The following EIF4A3 variants were observed in gnomAD, a reference collection of about 807,000 sequenced individuals.
EIF4A3 encodes the protein eukaryotic translation initiation factor 4A3.
In EIF4A3, 1 loss-of-function variant was observed where a neutral mutation model predicts 55.6. The ratio of observed to expected loss-of-function variants is 0.02; its 90% CI spans 0.01 to 0.09. The LOEUF (loss-of-function observed/expected upper bound fraction) is 0.09. EIF4A3 is among the 10% of genes least tolerant of loss of function. The pLI, the probability that EIF4A3 is intolerant of heterozygous loss-of-function variation, is 1.00. For synonymous variants in EIF4A3, 194 were observed against 196.3 expected, an observed-to-expected ratio of 0.99 and a Z score of 0.10; for missense variants, 221 against 540.7, an observed-to-expected ratio of 0.41 and a Z score of 5.86.
At chr17:80,142,767 C>T (rs139921187) in intron 2 of EIF4A3, among the ~76,000 whole-genome samples, 1,629 of 152,180 alleles carry the variant, frequency 0.011, 10 homozygotes, top group Non-Finnish European at 0.017. Context: ...ATGTTTAGGC[C>T]GGGCACAGTG....
intron 2 of EIF4A3, 75 bp downstream of exon 2, chr17:80,144,097 C>A: frequency 7.3e-7 from 1 of 1,371,238 alleles, no homozygotes; most frequent in South Asian, 1.2e-5. Context: ...GGGAAACAGT[C>A]ATCCCAGAGC....
At position 80,136,241 on chromosome 17, in the gene EIF4A3, A is replaced by G; in HGVS notation, c.1078T>C (p.Leu360=). The G allele has an allele frequency of 6.2e-7, 1 of 1,614,126 alleles. No individual in the cohort carries two copies. Among genetic ancestry groups the G allele is most frequent in the South Asian group, 1.1e-5 (1 of 91,078 alleles). ...CTTGCACCTTACCTGTGTATGTACAATTCTCTGTTATTAGGGAGATCATAG... is the reference window on the plus strand; with the variant it reads ...CTTGCACCTTACCTGTGTATGTACAGTTCTCTGTTATTAGGGAGATCATAG... ...INYDLPNNRE[L]YIHRIGRSGR... The change falls in exon 10 of 12, where the codon TTG becomes CTG. Residue 360 remains leucine, a synonymous_variant. Coordinates refer to ENST00000649764, the MANE Select transcript of EIF4A3 (RefSeq NM_014740.4).
chr17:80,146,992 C>CGCCGCTGCCGACCTCGCT lies in EIF4A3; in HGVS notation c.-49_-32dup, dbSNP rs754509369. On this transcript the variant is annotated 5_prime_UTR_variant, in exon 1 of 12. Coordinates refer to ENST00000649764, the MANE Select transcript of EIF4A3 (RefSeq NM_014740.4). ...AGAGTCCGCGGAAGAGCACAGCGCG[C>CGCCGCTGCCGACCTCGCT]GCCGCTGCCGACCTCGCTGCCGCTG... 6.2e-4 allele frequency: 952 copies of CGCCGCTGCCGACCTCGCT among 1,542,266 alleles called. 9 individuals carry two copies. Among genetic ancestry groups the CGCCGCTGCCGACCTCGCT allele is most frequent in the South Asian group, 4.6e-3 (398 of 86,186 alleles).
chr17:80,135,934 A>C, intron 11 of EIF4A3, 70 bp downstream of exon 11: 1 of 1,554,878 alleles, frequency 6.4e-7, no homozygotes, highest in Non-Finnish European at 8.7e-7. Context: ...AAAAAAACAA[A>C]CTCAGGTGCC....
intron 1 of EIF4A3, 140 bp from the exon 2 acceptor site, chr17:80,144,384 C>T (rs1290113823): frequency 1.4e-6 from 1 of 704,662 alleles, no homozygotes; most frequent in Non-Finnish European, 2.5e-6. Context: ...AGCAAGCTCT[C>T]AAAACCCAGG....
intron 6 of EIF4A3, 110 bp from the exon 7 acceptor site, chr17:80,139,272 C>A (rs113448837): frequency 1.4e-6 from 2 of 1,422,752 alleles, no homozygotes; most frequent in Non-Finnish European, 1.9e-6. Flanking sequence ...TGATAAGGTA[C>A]GTTTGACAGG....
chr17:80,139,232 A>C (rs2039598531), intron 6 of EIF4A3, 70 bp from the exon 7 acceptor site: 7 of 1,584,336 alleles, frequency 4.4e-6, no homozygotes, highest in Non-Finnish European at 6.0e-6. Context: ...GTGCACGCCC[A>C]GTGTTCCCAC....
intron 2 of EIF4A3, among the ~76,000 whole-genome samples, chr17:80,143,825 T>C (rs917200548): frequency 6.6e-6 from 1 of 151,780 alleles, no homozygotes; most frequent in Non-Finnish European, 1.5e-5. Context: ...ACTAAAAATA[T>C]GAAAATTAGT....
At chr17:80,137,886 G>T (rs924009651) in intron 8 of EIF4A3, among the ~76,000 whole-genome samples, 2 of 152,090 alleles carry the variant, frequency 1.3e-5, no homozygotes, top group Non-Finnish European at 2.9e-5. Context: ...CTCAGGCCTG[G>T]GTTCCACCTT....
chr17:80,147,085 C>CCG lies in EIF4A3; in HGVS notation c.-125_-124insCG, dbSNP rs1567852358. The stretch of plus-strand genomic sequence containing the variant: ...CCTCGCTGTGCCGCTGCCGACCTCG[C>CCG]TGTGCCGCTGCCGACCTCGCTGTGC... On this transcript the variant is annotated 5_prime_UTR_variant, in exon 1 of 12. Coordinates refer to ENST00000649764, the MANE Select transcript of EIF4A3 (RefSeq NM_014740.4). 2.3e-5 allele frequency: 30 copies of CCG among 1,330,704 alleles called. No homozygotes were observed. The African/African-American group carries it at 4.5e-4, about 20-fold the overall frequency. The allele number at this position is 1,330,704 out of a possible 1,614,324, so 82.4% of individuals were successfully genotyped here. A position where few individuals can be genotyped will look rare whatever the true frequency, so the allele number is the denominator to read the frequency against.
At chr17:80,141,118 C>T (rs1038066127) in intron 4 of EIF4A3, among the ~76,000 whole-genome samples, 3 of 152,012 alleles carry the variant, frequency 2.0e-5, no homozygotes, top group African/African-American at 7.3e-5. Flanking sequence ...TAAAAAACTA[C>T]CGAGAGCACA....
Position 80,135,126 on chromosome 17 carries a change from T to C in EIF4A3, c.*364A>G, listed in dbSNP as rs1483273613. On this transcript the variant is annotated 3_prime_UTR_variant, in exon 12 of 12. Coordinates refer to ENST00000649764, the MANE Select transcript of EIF4A3 (RefSeq NM_014740.4). ...GAGATCACGCCACTGCGCTCCTGCCTGGGCAACAGAGGGAGACTGTCTCAA... is the reference window on the plus strand; with the variant it reads ...GAGATCACGCCACTGCGCTCCTGCCCGGGCAACAGAGGGAGACTGTCTCAA... 1 of 170,260 alleles carries C rather than the reference T, an allele frequency of 5.9e-6. No individual in the cohort carries two copies. The highest frequency in any genetic ancestry group is 1.2e-5 in the Non-Finnish European group (1 of 82,918). The allele number at this position is 170,260 out of a possible 1,614,324, so 10.5% of individuals were successfully genotyped here. A position where few individuals can be genotyped will look rare whatever the true frequency, so the allele number is the denominator to read the frequency against.
intron 5 of EIF4A3, 99 bp downstream of exon 5, chr17:80,139,909 C>T: frequency 6.5e-7 from 1 of 1,543,936 alleles, no homozygotes; most frequent in Admixed American, 1.9e-5. Context: ...GTGCAAAAGT[C>T]TACCGTGCGG....
In EIF4A3 at chr17:80,147,099, ACCTCGCTGTG is replaced by A. The variant is rs1195836283; in HGVS notation, c.-148_-139del. On this transcript the variant is annotated 5_prime_UTR_variant, in exon 1 of 12. Transcript: ENST00000649764. ...TGCCGACCTCGCTGTGCCGCTGCCG[ACCTCGCTGTG>A]CCGCTGCCGACCTCGCTGTGCCGCT... 4.7e-6 allele frequency: 6 copies of A among 1,273,750 alleles called. No homozygotes were observed. The African/African-American group carries it at 8.3e-5, about 18-fold the overall frequency. 78.9% of individuals were successfully genotyped at this position (1,273,750 alleles called of 1,614,324 possible). A position where few individuals can be genotyped will look rare whatever the true frequency, so the allele number is the denominator to read the frequency against.
chr17:80,140,284 T>C, intron 4 of EIF4A3, 144 bp from the exon 5 acceptor site: 1 of 1,072,068 alleles, frequency 9.3e-7, no homozygotes, highest in Non-Finnish European at 1.2e-6. Context: ...TCTCCTGCTC[T>C]TTTCTCTGAC....
chr17:80,138,894 C>T lies in EIF4A3; in HGVS notation c.728+127G>A, dbSNP rs186954706. 779 of 1,264,468 alleles carry T rather than the reference C, an allele frequency of 6.2e-4. 2 individuals are homozygous for T. The African/African-American group carries it at 0.01, about 17-fold the overall frequency. 78.3% of individuals were successfully genotyped at this position (1,264,468 alleles called of 1,614,324 possible). A position where few individuals can be genotyped will look rare whatever the true frequency, so the allele number is the denominator to read the frequency against. On this transcript the variant is annotated intron_variant, in intron 7 of 11. Transcript: ENST00000649764. ...TCAGGCAAGAGGATAGCCTGAGGTC[C>T]GGGTTTTGACACGAGCTTCAGCAAC...
At chr17:80,135,945 CCAAACTAAGAATA>C (rs1253034057) in intron 11 of EIF4A3, 46 bp downstream of exon 11, 47 of 1,565,146 alleles carry the variant, frequency 3.0e-5, no homozygotes, top group Non-Finnish European at 3.6e-5. Context: ...CTCAGGTGCC[CCAAACTAAGAATA>C]GGGAAGTTCC....
chr17:80,139,584 G>A lies in EIF4A3; in HGVS notation c.586+86C>T. 4 of 1,191,308 alleles carry A rather than the reference G, an allele frequency of 3.4e-6. No homozygotes were observed. The South Asian group carries it at 5.4e-5, about 16-fold the overall frequency. The allele number at this position is 1,191,308 out of a possible 1,614,324, so 73.8% of individuals were successfully genotyped here. A position where few individuals can be genotyped will look rare whatever the true frequency, so the allele number is the denominator to read the frequency against. On this transcript the variant is annotated intron_variant, in intron 6 of 11. Transcript: ENST00000649764. ...GAAAACACTATTCACATTCAGAACA[G>A]TCACTGGCTGTTTCAATTTTACACT... is the stretch of plus-strand genomic sequence containing the variant.
Position 80,138,225 on chromosome 17 carries a change from C to G in EIF4A3, c.784G>C (p.Glu262Gln), listed in dbSNP as rs1567848723. The stretch of plus-strand genomic sequence containing the variant: ...TCACACAGAGTGTCAAATTTCCACT[C>G]TTCCCTCTCCACTGCCACGAAAAAT... Reference protein sequence around the residue: ...KQFFVAVEREEWKFDTLCDLY... With the variant: ...KQFFVAVEREQWKFDTLCDLY... The change falls in exon 8 of 12, where the codon GAG (glutamate) becomes CAG (glutamine). Residue 262 changes from glutamate (E) to glutamine (Q), a missense_variant. Glu to Gln is a conservative substitution (Grantham distance 29). Coordinates refer to ENST00000649764, the MANE Select transcript of EIF4A3 (RefSeq NM_014740.4). The G allele has an allele frequency of 6.2e-7, 1 of 1,614,006 alleles. No homozygotes were observed. The highest frequency in any genetic ancestry group is 8.5e-7 in the Non-Finnish European group (1 of 1,180,042).
Sources: gnomAD v4.1 joint callset for allele counts (sites outside exome capture counted in the v4.1 genomes callset) on GRCh38, gnomAD v4.1.1 for gene constraint, MANE v1.5 for transcripts, NCBI Gene and HGNC (gene_info 2026-07-23, HGNC 2026-07-21) for gene names.